Variants in ASS1 observed in about 807,000 individuals in gnomAD.
The protein encoded by ASS1 is argininosuccinate synthase 1, also known as argininosuccinate synthase.
A neutral mutation model predicts 60.5 loss-of-function variants in ASS1; 58 were observed. That is an observed-to-expected ratio of 0.96 (90% confidence interval 0.78 to 1.19). The LOEUF (loss-of-function observed/expected upper bound fraction) is 1.19, where lower values mean the gene tolerates loss of function less well. Among genes scored for constraint, ASS1 ranks in the 50% most tolerant of loss-of-function variants. The pLI is 0.00. For missense variants in ASS1, 454 were observed against 547.3 expected, an observed-to-expected ratio of 0.83 and a Z score of 1.70; for synonymous variants, 200 against 206.9, an observed-to-expected ratio of 0.97 and a Z score of 0.29.
At chr9:130,499,675 G>GCTGCC (rs201153157) in intron 14 of ASS1, 105 bp downstream of exon 14, 35 of 1,214,422 alleles carry the variant, frequency 2.9e-5, no homozygotes, top group East Asian at 1.2e-4. Context: ...GACCTTGACT[G>GCTGCC]CTGCCCTGCC....
chr9:130,466,586 C>T, intron 5 of ASS1, 139 bp from the exon 6 acceptor site: 1 of 808,918 alleles, frequency 1.2e-6, no homozygotes, highest in Non-Finnish European at 2.1e-6. Context: ...TCCCTCTCAC[C>T]CTCACAACAG....
At chr9:130,497,938 C>T (rs772407923) in intron 13 of ASS1, among the ~76,000 whole-genome samples, 2 of 152,194 alleles carry the variant, frequency 1.3e-5, no homozygotes, top group Non-Finnish European at 2.9e-5. Flanking sequence ...TCTGGTATCT[C>T]CTCCTCTTCC....
In ASS1 at chr9:130,477,054, C is replaced by A; in HGVS notation, c.688+93C>A. On this transcript the variant is annotated intron_variant, in intron 9 of 14. Transcript: ENST00000352480. The surrounding 1 kb of genome is among the most constrained non-coding windows in gnomAD (Gnocchi z 4.2). Reference sequence around the variant, plus strand: ...GCCTGGGAACCTAGGCCCTCTTTACCCCCGCCCTGCATTCCTGGAAGCTAG... The same window carrying A: ...GCCTGGGAACCTAGGCCCTCTTTACACCCGCCCTGCATTCCTGGAAGCTAG... 7.6e-7 allele frequency: 1 copy of A among 1,311,866 alleles called. No homozygotes were observed. Among genetic ancestry groups the A allele is most frequent in the African/African-American group, 1.5e-5 (1 of 68,020 alleles). 81.3% of individuals were successfully genotyped at this position (1,311,866 alleles called of 1,614,324 possible). A position where few individuals can be genotyped will look rare whatever the true frequency, so the allele number is the denominator to read the frequency against.
Position 130,489,225 on chromosome 9 carries a change from G to A in ASS1, c.839-108G>A. 2.0e-6 allele frequency: 3 copies of A among 1,481,218 alleles called. No individual in the cohort carries two copies. Among genetic ancestry groups the A allele is most frequent in the Non-Finnish European group, 2.8e-6 (3 of 1,085,390 alleles). The allele number at this position is 1,481,218 out of a possible 1,614,324, so 91.8% of individuals were successfully genotyped here. On this transcript the variant is annotated intron_variant, in intron 11 of 14. Coordinates refer to ENST00000352480, the MANE Select transcript of ASS1 (RefSeq NM_054012.4). This position sits in a 1 kb window ranked among gnomAD's most constrained non-coding sequence, Gnocchi z 4.1. ...GGTCCGGCCGGCTTGTCTCCTGTCA[G>A]ACGACTCATTATTATTATTATTTTT...
At chr9:130,448,426 A>ACG (rs1274156477) in intron 1 of ASS1, among the ~76,000 whole-genome samples, 1,470 of 132,556 alleles carry the variant, frequency 0.011, 21 homozygotes, top group African/African-American at 0.044. Context: ...GCGCGCGCAC[A>ACG]CACACACACA....
rs1237103516 is a variant in ASS1 at position 130,477,881 on chromosome 9, G to A, written c.688+920G>A. 4.6e-5 allele frequency among the ~76,000 whole-genome samples: 7 copies of A among 152,166 alleles called. No individual in the cohort carries two copies. Among genetic ancestry groups the A allele is most frequent in the Admixed American group, 1.3e-4 (2 of 15,282 alleles). ...AGAGGCTCGTGGAGAGGCCTGGCCC[G>A]GCTCTGGCGCTCGGCTCTTACCCCG... is the stretch of plus-strand genomic sequence containing the variant. On this transcript the variant is annotated intron_variant, in intron 9 of 14. Coordinates refer to ENST00000352480, the MANE Select transcript of ASS1 (RefSeq NM_054012.4). The surrounding 1 kb of genome is among the most constrained non-coding windows in gnomAD (Gnocchi z 4.2).
rs1588477029 is a variant in ASS1, at chr9:130,459,879, G to A, written c.363+1290G>A. Among the ~76,000 whole-genome samples the A allele has an allele frequency of 1.3e-5, 2 of 152,256 alleles. No individual in the cohort carries two copies. Among genetic ancestry groups the A allele is most frequent in the Non-Finnish European group, 2.9e-5 (2 of 68,040 alleles). ...GGCCGTGTGTCCCAGTGCAGACTGC[G>A]GGGTCCCCGTGGGGTGCAAGACAGG... is the stretch of plus-strand genomic sequence containing the variant. On this transcript the variant is annotated intron_variant, in intron 4 of 14. Transcript: ENST00000352480. The surrounding 1 kb of genome is among the most constrained non-coding windows in gnomAD (Gnocchi z 4.6).
At chr9:130,448,851 ACTGTGCTCGGC>A (rs1299106147) in intron 1 of ASS1, among the ~76,000 whole-genome samples, 1 of 152,194 alleles carries the variant, frequency 6.6e-6, no homozygotes, top group East Asian at 1.9e-4. Flanking sequence ...GGCATGAACC[ACTGTGCTCGGC>A]CATGAGAGCA....
chr9:130,489,205 G>A lies in ASS1; in HGVS notation c.839-128G>A, dbSNP rs1475569078. 87 of 1,336,260 alleles carry A rather than the reference G, an allele frequency of 6.5e-5. No individual in the cohort carries two copies. The South Asian group carries it at 7.0e-4, about 11-fold the overall frequency. 82.8% of individuals were successfully genotyped at this position (1,336,260 alleles called of 1,614,324 possible). The stretch of plus-strand genomic sequence containing the variant: ...CAGCAAGCTGGGAGTGAATGGGTCC[G>A]GCCGGCTTGTCTCCTGTCAGACGAC... On this transcript the variant is annotated intron_variant, in intron 11 of 14. Transcript: ENST00000352480. The surrounding 1 kb of genome is among the most constrained non-coding windows in gnomAD (Gnocchi z 4.1).
intron 4 of ASS1, among the ~76,000 whole-genome samples, chr9:130,461,362 T>C (rs1845588218): frequency 1.4e-5 from 2 of 147,222 alleles, no homozygotes; most frequent in Admixed American, 6.8e-5. Flanking sequence ...CGCCAGAGGC[T>C]TGGGTTTGAG....
chr9:130,499,712 C>T, intron 14 of ASS1, 142 bp downstream of exon 14: 1 of 824,552 alleles, frequency 1.2e-6, no homozygotes, highest in Non-Finnish European at 2.0e-6. Flanking sequence ...TAGACAAACC[C>T]CACTTTCCTG....
At chr9:130,479,938 G>C in intron 10 of ASS1, 138 bp downstream of exon 10, 2 of 1,031,154 alleles carry the variant, frequency 1.9e-6, no homozygotes, top group Non-Finnish European at 3.1e-6. Flanking sequence ...CATAGCCACA[G>C]AGTTTCCCGG....
chr9:130,495,470 T>TACACACACACACACACACACAC (rs777921061), intron 13 of ASS1, among the ~76,000 whole-genome samples: 1 of 130,512 alleles, frequency 7.7e-6, no homozygotes. Flanking sequence ...TACACATACA[T>TACACACACACACACACACACAC]ATACACACAC....
chr9:130,498,985 A>G (rs1402752276), intron 13 of ASS1, among the ~76,000 whole-genome samples: 1 of 152,206 alleles, frequency 6.6e-6, no homozygotes, highest in Non-Finnish European at 1.5e-5. Flanking sequence ...GGTAAGGTCT[A>G]ACTGGTTGGA....
chr9:130,458,879 G>A (rs950042031), intron 4 of ASS1, among the ~76,000 whole-genome samples: 2 of 152,258 alleles, frequency 1.3e-5, no homozygotes, highest in African/African-American at 4.8e-5. Flanking sequence ...ATTGTCCAAG[G>A]TCGCATTGGC....
chr9:130,464,052 C>T, intron 4 of ASS1, 59 bp from the exon 5 acceptor site: 10 of 1,591,636 alleles, frequency 6.3e-6, no homozygotes, highest in Non-Finnish European at 8.6e-6. Context: ...TCACGTCCTC[C>T]CCCAGACTCC....
intron 6 of ASS1, 67 bp downstream of exon 6, chr9:130,466,866 T>TGTCTGA (rs1388936070): frequency 2.6e-5 from 40 of 1,558,308 alleles, no homozygotes; most frequent in Non-Finnish European, 3.4e-5. Flanking sequence ...ACGTCCCTGC[T>TGTCTGA]GGGGGCTGTC....
chr9:130,483,327 G>A (rs1317547877), intron 11 of ASS1, among the ~76,000 whole-genome samples: 4 of 132,902 alleles, frequency 3.0e-5, no homozygotes, highest in Admixed American at 8.3e-5. Flanking sequence ...ATTGAAATTC[G>A]TTAAGGGCTG....
intron 11 of ASS1, among the ~76,000 whole-genome samples, chr9:130,483,886 C>T (rs182258632): frequency 6.6e-6 from 1 of 152,098 alleles, no homozygotes; most frequent in East Asian, 1.9e-4. Context: ...CTCCTGTCTC[C>T]CTTCCTCCTT....
Sources: gnomAD v4.1 joint callset for allele counts (sites outside exome capture counted in the v4.1 genomes callset) on GRCh38, gnomAD v4.1.1 for gene constraint, Gnocchi (gnomAD v3.1) non-coding constraint, MANE v1.5 for transcripts, NCBI Gene and HGNC (gene_info 2026-07-23, HGNC 2026-07-21) for gene names.